Variants in SHROOM4 observed in about 807,000 individuals in gnomAD.
SHROOM4 encodes the protein protein Shroom4.
Under a neutral mutation model 80.3 loss-of-function variants are expected in SHROOM4, and 17 were observed. The observed-to-expected ratio is 0.21, with a 90% CI of 0.14 to 0.32. The LOEUF (loss-of-function observed/expected upper bound fraction) is 0.32. Among genes scored for constraint, SHROOM4 ranks in the 10% least tolerant of loss-of-function variants. The pLI, the probability that SHROOM4 is intolerant of heterozygous loss-of-function variation, is 1.00. For synonymous variants in SHROOM4, 400 were observed against 437.5 expected, an observed-to-expected ratio of 0.91 and a Z score of 1.07; for missense variants, 993 against 1,140.3, an observed-to-expected ratio of 0.87 and a Z score of 1.86.
In SHROOM4 at chrX:50,633,250, A is replaced by T. The variant is rs369533597; in HGVS notation, c.2823T>A (p.Pro941=). 6 of 1,209,881 alleles carry T rather than the reference A, an allele frequency of 5.0e-6. No individual in the cohort carries two copies. The highest frequency in any genetic ancestry group is 2.3e-4 in the Middle Eastern group (1 of 4,376). The change falls in exon 4 of 9, where the codon CCT becomes CCA. Residue 941 remains proline (P), a synonymous_variant. Transcript: ENST00000376020. ...CIRCSVCYHN[P]QHSALEDSSL... is the part of the protein sequence containing the mutation. ...TGCTGTCCTCGAGGGCACTGTGCTG[A>T]GGATTATGATAGCAAACTGAACACC...
chrX:50,754,057 A>G (rs1307627539), intron 1 of SHROOM4, among the ~76,000 whole-genome samples: 8 of 112,243 alleles, frequency 7.1e-5, no homozygotes, highest in Non-Finnish European at 1.1e-4. Context: ...AAACTCAACA[A>G]TTGACAGGTA....
chrX:50,782,502 A>G (rs1935649576), intron 1 of SHROOM4, among the ~76,000 whole-genome samples: 1 of 111,661 alleles, frequency 9.0e-6, no homozygotes, highest in Admixed American at 9.6e-5. Context: ...TAATCCTCAC[A>G]ATAACCCTCT....
At chrX:50,771,709 C>T (rs782779548) in intron 1 of SHROOM4, among the ~76,000 whole-genome samples, 1 of 112,343 alleles carries the variant, frequency 8.9e-6, no homozygotes, top group South Asian at 3.7e-4. Context: ...TTCCCTTTGA[C>T]CTAACAATTC....
chrX:50,614,038 TG>T (rs1227062286), intron 5 of SHROOM4, among the ~76,000 whole-genome samples: 3 of 111,835 alleles, frequency 2.7e-5, no homozygotes, highest in Middle Eastern at 4.7e-3. Context: ...TTTCAAATAG[TG>T]GGGGAAGGAT....
chrX:50,682,634 A>C (rs1421328709), intron 2 of SHROOM4, among the ~76,000 whole-genome samples: 1 of 111,850 alleles, frequency 8.9e-6, no homozygotes, highest in African/African-American at 3.3e-5. Context: ...CAACCCTAAC[A>C]CTTCTTAGAA....
intron 1 of SHROOM4, among the ~76,000 whole-genome samples, chrX:50,724,551 G>C (rs782422763): frequency 9.7e-4 from 109 of 112,865 alleles, no homozygotes; most frequent in Non-Finnish European, 1.6e-3. Context: ...TGCAACCTCC[G>C]CCTCCTGGGT....
At chrX:50,782,579 T>C (rs1935652915) in intron 1 of SHROOM4, among the ~76,000 whole-genome samples, 2 of 111,688 alleles carry the variant, frequency 1.8e-5, no homozygotes, top group African/African-American at 6.5e-5. Context: ...AGTTACATAG[T>C]GAAAACAATG....
intron 1 of SHROOM4, among the ~76,000 whole-genome samples, chrX:50,743,141 T>C (rs1471238667): frequency 9.4e-6 from 1 of 106,614 alleles, no homozygotes; most frequent in African/African-American, 3.4e-5. Context: ...GTGTGCACTT[T>C]AGTACTTCCT....
chrX:50,713,282 T>C (rs1933863077), intron 1 of SHROOM4, among the ~76,000 whole-genome samples: 1 of 111,339 alleles, frequency 9.0e-6, no homozygotes, highest in South Asian at 3.9e-4. Context: ...AGCAATGATG[T>C]CTACACAAGA....
At chrX:50,719,369 A>G (rs1215440736) in intron 1 of SHROOM4, among the ~76,000 whole-genome samples, 4 of 111,021 alleles carry the variant, frequency 3.6e-5, no homozygotes, top group African/African-American at 1.3e-4. Flanking sequence ...CTGCAAACTA[A>G]TATTCATTCT....
chrX:50,599,346 G>A (rs1207396633), intron 7 of SHROOM4, among the ~76,000 whole-genome samples: 6 of 111,391 alleles, frequency 5.4e-5, no homozygotes, highest in Non-Finnish European at 9.4e-5. Context: ...AAGACTGTGA[G>A]TTCTGGAGTT....
chrX:50,705,039 A>G (rs1291334628), intron 1 of SHROOM4, among the ~76,000 whole-genome samples: 1 of 112,149 alleles, frequency 8.9e-6, no homozygotes, highest in African/African-American at 3.2e-5. Flanking sequence ...AGCAATAATA[A>G]TAACATCCTT....
chrX:50,792,671 C>T (rs1655901801), intron 1 of SHROOM4, among the ~76,000 whole-genome samples: 1 of 109,582 alleles, frequency 9.1e-6, no homozygotes, highest in Non-Finnish European at 1.9e-5. Context: ...GTAAACATTT[C>T]TCCAAATAAG....
At chrX:50,759,392 T>C (rs1935102780) in intron 1 of SHROOM4, among the ~76,000 whole-genome samples, 1 of 111,949 alleles carries the variant, frequency 8.9e-6, no homozygotes, top group Non-Finnish European at 1.9e-5. Flanking sequence ...ATACTTTCAG[T>C]CTCCAGAAAT....
chrX:50,762,197 AC>A (rs1177967062), intron 1 of SHROOM4, among the ~76,000 whole-genome samples: 66 of 108,960 alleles, frequency 6.1e-4, no homozygotes, highest in African/African-American at 2.2e-3. Flanking sequence ...ATAAAACTAT[AC>A]TTATAAAGTT....
rs782657193 is a variant in SHROOM4, at chrX:50,595,706, G to A, written c.*989C>T. ...CCTTGGCACTTGCTTACCTAGCCAC[G>A]GTGGATTCAGGCTGATCTGCAGAAA... On this transcript the variant is annotated 3_prime_UTR_variant, in exon 9 of 9. Transcript: ENST00000376020. The A allele has an allele frequency of 6.4e-4, 173 of 271,963 alleles. 1 individual carries two copies. Among genetic ancestry groups the A allele is most frequent in the South Asian group, 2.7e-3 (74 of 27,582 alleles). 22.4% of individuals were successfully genotyped at this position (271,963 alleles called of 1,213,427 possible).
rs782817250 is a variant in SHROOM4 at position 50,634,257 on chromosome X, T to C, written c.1816A>G (p.Ser606Gly). ...CACAGCTGTGACAAGGGACCCTTGC[T>C]TTTCTGGAGCTGGGCCTTCCTCCTC... is the stretch of plus-strand genomic sequence containing the variant. ...IQRRKAQLQK[S>G]KGPLSQLCDT... is the part of the protein sequence containing the mutation. Residue 606 changes from serine (S) to glycine (G), a missense_variant, in exon 4 of 9, where the codon AGC becomes GGC. Transcript: ENST00000376020. The C allele has an allele frequency of 8.3e-7, 1 of 1,211,651 alleles. No individual in the cohort carries two copies. Among genetic ancestry groups the C allele is most frequent in the Non-Finnish European group, 1.1e-6 (1 of 895,508 alleles).
chrX:50,805,445 G>A lies in SHROOM4; in HGVS notation c.117+8457C>T, dbSNP rs1936208045. On this transcript the variant is annotated intron_variant, in intron 1 of 8. Transcript: ENST00000376020. The stretch of plus-strand genomic sequence containing the variant: ...ACCACAAAGGGGCTGTTCGTAACTG[G>A]GCTTAACCCTTGATCCTGTCAAATT... 2.7e-5 allele frequency among the ~76,000 whole-genome samples: 3 copies of A among 111,745 alleles called. No homozygotes were observed. The South Asian group carries it at 1.1e-3, about 42-fold the overall frequency.
intron 1 of SHROOM4, among the ~76,000 whole-genome samples, chrX:50,778,367 G>A (rs954806284): frequency 8.9e-6 from 1 of 112,126 alleles, no homozygotes; most frequent in Non-Finnish European, 1.9e-5. Context: ...AAGTGGCAAT[G>A]TGGCACCTTC....
Sources: allele counts gnomAD v4.1 joint callset (sites outside exome capture counted in the v4.1 genomes callset), GRCh38; gene constraint gnomAD v4.1.1; transcripts MANE v1.5; gene names NCBI Gene and HGNC (gene_info 2026-07-23, HGNC 2026-07-21).